PPM1L: variants seen among roughly 807,000 people sequenced by gnomAD.
PPM1L encodes the protein protein phosphatase, Mg2+/Mn2+ dependent 1L.
PPM1L carries 13 observed loss-of-function variants against 31.4 expected under a neutral mutation model. That is an observed-to-expected ratio of 0.41 (90% confidence interval 0.27 to 0.66). The LOEUF (loss-of-function observed/expected upper bound fraction) is 0.66. PPM1L is among the 30% of genes least tolerant of loss of function. The pLI, the probability that PPM1L is intolerant of heterozygous loss-of-function variation, is 0.29. For missense variants in PPM1L, 326 were observed against 453.7 expected (o/e 0.72, Z 2.56); for synonymous variants, 184 against 175.4 (o/e 1.05, Z -0.39).
chr3:160,919,180 G>C (rs946562507), intron 1 of PPM1L, among the ~76,000 whole-genome samples: 3 of 152,206 alleles, frequency 2.0e-5, no homozygotes, highest in Non-Finnish European at 2.9e-5. Flanking sequence ...TGAAGTGTTG[G>C]ATTAGACAGG....
At chr3:161,068,603 TC>T (rs1182420890) in intron 3 of PPM1L, among the ~76,000 whole-genome samples, 1 of 152,156 alleles carries the variant, frequency 6.6e-6, no homozygotes, top group Non-Finnish European at 1.5e-5. Context: ...TTGAAATCCT[TC>T]AAGATGCCAG....
intron 1 of PPM1L, among the ~76,000 whole-genome samples, chr3:160,906,652 G>C (rs377413631): frequency 7.0e-6 from 1 of 142,636 alleles, no homozygotes; most frequent in Admixed American, 7.0e-5. Flanking sequence ...CAATTTACCT[G>C]GGTGCTTCTG....
chr3:160,808,668 A>C (rs1712716671), intron 1 of PPM1L, among the ~76,000 whole-genome samples: 1 of 152,128 alleles, frequency 6.6e-6, no homozygotes, highest in Non-Finnish European at 1.5e-5. Flanking sequence ...ACCTTCAGGC[A>C]CCTGAGGACA....
intron 1 of PPM1L, among the ~76,000 whole-genome samples, chr3:160,816,741 AG>A (rs1281223360): frequency 6.6e-6 from 1 of 152,104 alleles, no homozygotes; most frequent in African/African-American, 2.4e-5. Context: ...ATAAATGGAC[AG>A]CAAGGCATCT....
At chr3:161,006,742 G>A (rs1717721825) in intron 2 of PPM1L, among the ~76,000 whole-genome samples, 1 of 148,778 alleles carries the variant, frequency 6.7e-6, no homozygotes, top group Admixed American at 6.7e-5. Flanking sequence ...GAGTGCAGTG[G>A]CGCCATCTTG....
At chr3:161,028,189 T>TG (rs1421622899) in intron 2 of PPM1L, among the ~76,000 whole-genome samples, 1 of 152,206 alleles carries the variant, frequency 6.6e-6, no homozygotes, top group African/African-American at 2.4e-5. Context: ...GGAGTCATTG[T>TG]GGACTCCCAA....
intron 2 of PPM1L, among the ~76,000 whole-genome samples, chr3:161,058,624 C>T (rs956385012): frequency 4.6e-5 from 7 of 151,682 alleles, no homozygotes; most frequent in South Asian, 2.1e-4. Context: ...TTGGGGTGGG[C>T]GTGAAGGATA....
At chr3:160,803,106 G>T (rs1712483631) in intron 1 of PPM1L, among the ~76,000 whole-genome samples, 1 of 152,250 alleles carries the variant, frequency 6.6e-6, no homozygotes, top group Non-Finnish European at 1.5e-5. Context: ...CACCATCTCA[G>T]TGTAAAATAT....
At chr3:160,786,127 TTCTCTCTC>T (rs147384969) in intron 1 of PPM1L, among the ~76,000 whole-genome samples, 116 of 103,920 alleles carry the variant, frequency 1.1e-3, no homozygotes, top group African/African-American at 4.9e-3. Flanking sequence ...AATCTCATTT[TTCTCTCTC>T]TCTCTCTCTC....
At chr3:160,930,590 G>A (rs1714752937) in intron 1 of PPM1L, among the ~76,000 whole-genome samples, 1 of 152,182 alleles carries the variant, frequency 6.6e-6, no homozygotes, top group Non-Finnish European at 1.5e-5. Flanking sequence ...GAGATATGGT[G>A]CAAGGAAGGC....
chr3:160,814,701 GTGTA>G (rs1712936132), intron 1 of PPM1L, among the ~76,000 whole-genome samples: 2 of 83,030 alleles, frequency 2.4e-5, no homozygotes, highest in African/African-American at 2.7e-4. Context: ...ATACGTATAT[GTGTA>G]TATATATGTG....
intron 2 of PPM1L, among the ~76,000 whole-genome samples, chr3:161,000,137 G>T (rs937918830): frequency 1.3e-5 from 2 of 152,218 alleles, no homozygotes; most frequent in African/African-American, 4.8e-5. Flanking sequence ...GCCATCACAA[G>T]TTCCATTTTG....
intron 2 of PPM1L, among the ~76,000 whole-genome samples, chr3:161,031,437 T>G (rs1330257246): frequency 6.6e-6 from 1 of 151,968 alleles, no homozygotes; most frequent in African/African-American, 2.4e-5. Context: ...CTTATGTTCT[T>G]TTCATCACAC....
intron 2 of PPM1L, among the ~76,000 whole-genome samples, chr3:161,045,787 G>A (rs904345643): frequency 1.3e-5 from 2 of 152,028 alleles, no homozygotes; most frequent in African/African-American, 4.8e-5. Flanking sequence ...AGAACTGAAG[G>A]AGATAGATAG....
chr3:160,906,781 T>A (rs1190911232), intron 1 of PPM1L, among the ~76,000 whole-genome samples: 2 of 152,116 alleles, frequency 1.3e-5, no homozygotes, highest in Admixed American at 6.6e-5. Flanking sequence ...GCAGAAAAAA[T>A]TTAATTCCTT....
At chr3:160,958,201 C>T (rs576053807) in intron 1 of PPM1L, among the ~76,000 whole-genome samples, 1 of 152,194 alleles carries the variant, frequency 6.6e-6, no homozygotes, top group East Asian at 1.9e-4. Flanking sequence ...TTTGCAATTG[C>T]TTTTGGTGTC....
intron 2 of PPM1L, among the ~76,000 whole-genome samples, chr3:161,032,498 A>G (rs1718600654): frequency 6.6e-6 from 1 of 152,174 alleles, no homozygotes; most frequent in South Asian, 2.1e-4. Flanking sequence ...TTGTGTTAGT[A>G]GATCAATTGC....
chr3:160,823,274 G>C (rs1478145649), intron 1 of PPM1L, among the ~76,000 whole-genome samples: 5 of 151,638 alleles, frequency 3.3e-5, no homozygotes, highest in Non-Finnish European at 7.4e-5. Flanking sequence ...CTGATGACTA[G>C]AGTAGTGAGA....
intron 1 of PPM1L, among the ~76,000 whole-genome samples, chr3:160,957,641 A>C (rs1715819378): frequency 1.4e-5 from 2 of 146,766 alleles, no homozygotes; most frequent in Admixed American, 1.4e-4. Context: ...GCAGTGGTGC[A>C]ATGGCGGCTC....
Sources: allele counts gnomAD v4.1 joint callset (sites outside exome capture counted in the v4.1 genomes callset), GRCh38; gene constraint gnomAD v4.1.1; transcripts MANE v1.5; gene names NCBI Gene and HGNC (gene_info 2026-07-23, HGNC 2026-07-21).